GATA4: variants seen among roughly 807,000 people sequenced by gnomAD.
The protein encoded by GATA4 is GATA binding protein 4.
In GATA4, 7 loss-of-function variants were observed where a neutral mutation model predicts 37.9. The observed-to-expected ratio is 0.18, with a 90% CI of 0.11 to 0.35. The LOEUF (loss-of-function observed/expected upper bound fraction) is 0.35. Among genes scored for constraint, GATA4 ranks in the 10% least tolerant of loss-of-function variants. The probability of loss-of-function intolerance (pLI) is 1.00; values close to 1 mark genes in which losing one functional copy is unlikely to be tolerated. For missense variants in GATA4, 647 were observed against 653.0 expected, an observed-to-expected ratio of 0.99 and a Z score of 0.10; for synonymous variants, 372 against 292.6, an observed-to-expected ratio of 1.27 and a Z score of -2.77.
At chr8:11,692,017 G>A, upstream of GATA4, 2 of 985,372 alleles carry the variant, frequency 2.0e-6, no homozygotes, top group Non-Finnish European at 2.4e-6. Flanking sequence ...TGCTTCGCAG[G>A]GGATCTGTTC....
chr8:11,726,514 G>C (rs1408121740), intron 2 of GATA4, among the ~76,000 whole-genome samples: 1 of 152,234 alleles, frequency 6.6e-6, no homozygotes, highest in African/African-American at 2.4e-5. Context: ...CCCAGGGACA[G>C]GGGGACAGGT....
chr8:11,748,363 G>C (rs1304491857), intron 2 of GATA4, among the ~76,000 whole-genome samples: 1 of 152,184 alleles, frequency 6.6e-6, no homozygotes, highest in African/African-American at 2.4e-5. Flanking sequence ...CTGTACTCCA[G>C]CCTGGGTGAC....
intron 2 of GATA4, among the ~76,000 whole-genome samples, chr8:11,718,952 C>T (rs1800551260): frequency 6.6e-6 from 1 of 152,330 alleles, no homozygotes; most frequent in East Asian, 1.9e-4. Flanking sequence ...GGAGTTTGAA[C>T]CAGGGGCAGA....
chr8:11,703,675 G>A (rs1799765312), upstream of GATA4, among the ~76,000 whole-genome samples: 1 of 152,204 alleles, frequency 6.6e-6, no homozygotes, highest in African/African-American at 2.4e-5. Context: ...CGGTCTCTAC[G>A]CTCTGATTTT....
chr8:11,680,698 G>T (rs1392302496), intron 1 of GATA4: 1 of 985,202 alleles, frequency 1.0e-6, no homozygotes, highest in Admixed American at 6.1e-5. Flanking sequence ...TGGGGAGACC[G>T]GAATCCTCCA....
chr8:11,732,589 T>C (rs1290305417), intron 2 of GATA4, among the ~76,000 whole-genome samples: 1 of 152,172 alleles, frequency 6.6e-6, no homozygotes, highest in Non-Finnish European at 1.5e-5. Flanking sequence ...AAGATAGATG[T>C]GATTGATTGC....
In GATA4 at chr8:11,757,030, A is replaced by C. The variant is rs778151042; in HGVS notation, c.1096A>C (p.Lys366Gln). The C allele has an allele frequency of 6.2e-7, 1 of 1,614,218 alleles. No homozygotes were observed. The highest frequency in any genetic ancestry group is 1.7e-5 in the Admixed American group (1 of 60,032). Residue 366 changes from lysine (K) to glutamine (Q), a missense_variant, in exon 6 of 7, where the codon AAG (lysine) becomes CAG (glutamine). Physicochemically the swap from Lys to Gln is moderately conservative, Grantham distance 53. Transcript: ENST00000532059. ...CAGCAGCGAGGAGATGCGTCCCATC[A>C]AGACGGAGCCTGGCCTGTCATCTCA... ...TSSSEEMRPI[K>Q]TEPGLSSHYG...
chr8:11,746,110 T>C (rs551360529), intron 2 of GATA4, among the ~76,000 whole-genome samples: 1 of 151,992 alleles, frequency 6.6e-6, no homozygotes, highest in Non-Finnish European at 1.5e-5. Flanking sequence ...TGAAACCTTG[T>C]CTCTACAAAA....
chr8:11,691,162 G>A (rs1021787168), upstream of GATA4, among the ~76,000 whole-genome samples: 1 of 152,250 alleles, frequency 6.6e-6, no homozygotes, highest in South Asian at 2.1e-4. Flanking sequence ...CTCAGTAAAT[G>A]TTTGCCTAGT....
chr8:11,680,468 G>T, intron 1 of GATA4: 1 of 985,362 alleles, frequency 1.0e-6, no homozygotes, highest in African/African-American at 1.7e-5. Flanking sequence ...GCCGAAGCCG[G>T]TTTGCTTTGG....
chr8:11,716,536 G>C (rs928835368), intron 2 of GATA4, among the ~76,000 whole-genome samples: 2 of 152,128 alleles, frequency 1.3e-5, no homozygotes, highest in African/African-American at 4.8e-5. Flanking sequence ...TTCACAGGAG[G>C]TTGCTTTACT....
At chr8:11,742,271 A>G (rs1259830618) in intron 2 of GATA4, among the ~76,000 whole-genome samples, 5 of 152,056 alleles carry the variant, frequency 3.3e-5, no homozygotes, top group Non-Finnish European at 7.4e-5. Context: ...TGTCATTTGT[A>G]AAACCTCTTT....
chr8:11,698,109 G>C, intron 1 of GATA4: 1 of 671,276 alleles, frequency 1.5e-6, no homozygotes, highest in Non-Finnish European at 1.8e-6. Context: ...CTCCCAGGAG[G>C]TCCTGGCCTC....
chr8:11,749,915 T>C lies in GATA4; in HGVS notation c.787-196T>C, dbSNP rs918226589. On this transcript the variant is annotated intron_variant, in intron 3 of 6. Transcript: ENST00000532059. The surrounding 1 kb of genome is among the most constrained non-coding windows in gnomAD (Gnocchi z 4.6). The stretch of plus-strand genomic sequence containing the variant: ...CGCTCTCCTCGGGCAGCAGAAACCT[T>C]GTTCTGATTTATTCCTCGCAGTGGC... Among the ~76,000 whole-genome samples the C allele has an allele frequency of 2.0e-5, 3 of 152,172 alleles. No homozygotes were observed. Among genetic ancestry groups the C allele is most frequent in the African/African-American group, 7.2e-5 (3 of 41,434 alleles).
upstream of GATA4, among the ~76,000 whole-genome samples, chr8:11,690,112 C>T (rs1046988361): frequency 7.2e-5 from 11 of 152,134 alleles, no homozygotes; most frequent in African/African-American, 2.4e-4. Context: ...GACTGATAAA[C>T]GGGCCAAAGG....
intron 2 of GATA4, among the ~76,000 whole-genome samples, chr8:11,746,920 T>A (rs1187156367): frequency 6.6e-6 from 1 of 152,242 alleles, no homozygotes; most frequent in Non-Finnish European, 1.5e-5. Context: ...AGCTACCTGT[T>A]TGCAGGTGCA....
upstream of GATA4, among the ~76,000 whole-genome samples, chr8:11,688,845 G>A (rs910676142): frequency 6.6e-6 from 1 of 152,226 alleles, no homozygotes; most frequent in African/African-American, 2.4e-5. Flanking sequence ...GCACAAACTG[G>A]TGGAGAGATG....
At chr8:11,743,240 T>A (rs1253801098) in intron 2 of GATA4, among the ~76,000 whole-genome samples, 1 of 152,216 alleles carries the variant, frequency 6.6e-6, no homozygotes, top group Non-Finnish European at 1.5e-5. Context: ...CAAAACAACT[T>A]TGGGCAAGGA....
intron 2 of GATA4, among the ~76,000 whole-genome samples, chr8:11,714,067 G>A (rs769319360): frequency 1.3e-5 from 2 of 152,176 alleles, no homozygotes; most frequent in African/African-American, 4.8e-5. Flanking sequence ...AAAGGAGACC[G>A]AAATGGAAAT....
Sources: allele counts gnomAD v4.1 joint callset (sites outside exome capture counted in the v4.1 genomes callset), GRCh38; gene constraint gnomAD v4.1.1; non-coding constraint Gnocchi (gnomAD v3.1); transcripts MANE v1.5; gene names NCBI Gene and HGNC (gene_info 2026-07-23, HGNC 2026-07-21).